The following SCHIP1 variants were observed in gnomAD, a reference collection of about 807,000 sequenced individuals.
SCHIP1 encodes the protein schwannomin interacting protein 1.
SCHIP1 carries 8 observed loss-of-function variants against 29.7 expected under a neutral mutation model. The ratio of observed to expected loss-of-function variants is 0.27; its 90% confidence interval spans 0.16 to 0.49. The LOEUF (loss-of-function observed/expected upper bound fraction) is 0.49. Among genes scored for constraint, SCHIP1 ranks in the 20% least tolerant of loss-of-function variants. The pLI is 0.99. For synonymous variants in SCHIP1, 76 were observed against 94.9 expected, an observed-to-expected ratio of 0.80 and a Z score of 1.16; for missense variants, 193 against 294.6, an observed-to-expected ratio of 0.66 and a Z score of 2.52.
chr3:159,627,982 C>A, the SCHIP1 span, among the ~76,000 whole-genome samples: 1 of 152,198 alleles, frequency 6.6e-6, no homozygotes, highest in African/African-American at 2.4e-5. Flanking sequence ...CTTTGGGAAC[C>A]AAGATCCTAA....
the SCHIP1 span, among the ~76,000 whole-genome samples, chr3:159,644,152 C>T: frequency 6.6e-6 from 1 of 152,070 alleles, no homozygotes; most frequent in Non-Finnish European, 1.5e-5. Context: ...CAGTAATGTA[C>T]TCTAATAGAG....
the SCHIP1 span, among the ~76,000 whole-genome samples, chr3:159,560,485 A>C: frequency 2.6e-5 from 4 of 152,282 alleles, no homozygotes; most frequent in Admixed American, 6.5e-5. Flanking sequence ...TGATCTTTGC[A>C]GTGGTCTTTG....
chr3:159,691,363 G>T, the SCHIP1 span, among the ~76,000 whole-genome samples: 1 of 147,498 alleles, frequency 6.8e-6, no homozygotes, highest in Non-Finnish European at 1.5e-5. Flanking sequence ...GGTCTTTTTT[G>T]ATCTTTGTTG....
chr3:159,645,248 C>T, the SCHIP1 span, among the ~76,000 whole-genome samples: 1 of 152,088 alleles, frequency 6.6e-6, no homozygotes, highest in Non-Finnish European at 1.5e-5. Flanking sequence ...CAATTAAGAA[C>T]ACCTCCTCCC....
At chr3:159,509,967 A>T in the SCHIP1 span, among the ~76,000 whole-genome samples, 1 of 151,938 alleles carries the variant, frequency 6.6e-6, no homozygotes, top group Non-Finnish European at 1.5e-5. Flanking sequence ...CTTCTCAAGG[A>T]GTATCTTTGT....
chr3:159,705,598 G>A, the SCHIP1 span, among the ~76,000 whole-genome samples: 7 of 152,320 alleles, frequency 4.6e-5, no homozygotes, highest in Middle Eastern at 3.4e-3. Flanking sequence ...ACTCCACTAA[G>A]AGGTTTGGTG....
chr3:159,355,578 G>T, the SCHIP1 span, among the ~76,000 whole-genome samples: 1 of 152,124 alleles, frequency 6.6e-6, no homozygotes, highest in Non-Finnish European at 1.5e-5. Flanking sequence ...TTGTGGTTCT[G>T]GTACTATGTA....
chr3:159,684,773 TG>T, the SCHIP1 span, among the ~76,000 whole-genome samples: 36 of 141,712 alleles, frequency 2.5e-4, no homozygotes, highest in African/African-American at 9.5e-4. Flanking sequence ...CACTGCACTC[TG>T]GCCTGAGTGG....
chr3:159,583,780 G>T, the SCHIP1 span, among the ~76,000 whole-genome samples: 1 of 152,132 alleles, frequency 6.6e-6, no homozygotes, highest in Admixed American at 6.6e-5. Context: ...AGTATCATAA[G>T]GCAATGATTA....
chr3:159,493,747 C>T, the SCHIP1 span, among the ~76,000 whole-genome samples: 54 of 152,104 alleles, frequency 3.6e-4, no homozygotes, highest in East Asian at 9.7e-4. Flanking sequence ...CTGCACCAAG[C>T]GGACCTAATA....
the SCHIP1 span, among the ~76,000 whole-genome samples, chr3:159,676,588 A>G: frequency 1.3e-5 from 2 of 152,216 alleles, no homozygotes; most frequent in Non-Finnish European, 2.9e-5. Context: ...CTTTCAGCAC[A>G]TGGAGTTTCC....
chr3:159,797,857 G>T, the SCHIP1 span, among the ~76,000 whole-genome samples: 1 of 152,192 alleles, frequency 6.6e-6, no homozygotes, highest in Non-Finnish European at 1.5e-5. Flanking sequence ...CTGAGCAGAG[G>T]AAGTTGACTT....
chr3:159,440,262 G>A, the SCHIP1 span, among the ~76,000 whole-genome samples: 6 of 152,138 alleles, frequency 3.9e-5, no homozygotes, highest in East Asian at 7.7e-4. Context: ...CTGTTCCATT[G>A]GTCTATGCAT....
At chr3:159,864,029 T>G (rs927871244) in intron 1 of SCHIP1, among the ~76,000 whole-genome samples, 7 of 152,224 alleles carry the variant, frequency 4.6e-5, no homozygotes, top group Non-Finnish European at 8.8e-5. Flanking sequence ...CTACTGATTT[T>G]ATATTTGGAT....
chr3:159,444,480 T>G, the SCHIP1 span, among the ~76,000 whole-genome samples: 99 of 151,780 alleles, frequency 6.5e-4, no homozygotes, highest in East Asian at 0.012. Flanking sequence ...GGGAAAAAAT[T>G]AATTGCTGCA....
the SCHIP1 span, among the ~76,000 whole-genome samples, chr3:159,496,021 T>G: frequency 6.6e-6 from 1 of 152,166 alleles, no homozygotes; most frequent in Admixed American, 6.6e-5. Flanking sequence ...CCCTATTTAA[T>G]AAATGGTGCT....
chr3:159,359,702 C>A, the SCHIP1 span, among the ~76,000 whole-genome samples: 1 of 152,084 alleles, frequency 6.6e-6, no homozygotes, highest in Non-Finnish European at 1.5e-5. Flanking sequence ...AAGAAGGAAG[C>A]TTATGCTTCA....
the SCHIP1 span, among the ~76,000 whole-genome samples, chr3:159,430,853 G>A: frequency 1.3e-5 from 2 of 152,058 alleles, no homozygotes; most frequent in African/African-American, 4.8e-5. Context: ...CCCCCATGAT[G>A]TATAGAAATG....
the SCHIP1 span, among the ~76,000 whole-genome samples, chr3:159,677,060 C>T: frequency 1.3e-5 from 2 of 152,130 alleles, no homozygotes; most frequent in African/African-American, 4.8e-5. Flanking sequence ...CATCCTAAAG[C>T]CACATTCTCA....
Sources: gnomAD v4.1 joint callset for allele counts (sites outside exome capture counted in the v4.1 genomes callset) on GRCh38, gnomAD v4.1.1 for gene constraint, MANE v1.5 for transcripts, NCBI Gene and HGNC (gene_info 2026-07-23, HGNC 2026-07-21) for gene names.